ZNF443: variants seen among roughly 807,000 people sequenced by gnomAD.
ZNF443 encodes zinc finger protein 443.
In ZNF443, 3 loss-of-function variants were observed where a neutral mutation model predicts 12.0. The ratio of observed to expected loss-of-function variants is 0.25; its 90% CI spans 0.11 to 0.64. ZNF443 has a LOEUF of 0.64. Among genes scored for constraint, ZNF443 ranks in the 30% least tolerant of loss-of-function variants. ZNF443 has a pLI of 0.84. For missense variants in ZNF443, 770 were observed against 808.8 expected (o/e 0.95, Z 0.58); for synonymous variants, 225 against 265.9 (o/e 0.85, Z 1.50).
Position 12,431,229 on chromosome 19 carries a change from C to G in ZNF443, c.943G>C (p.Gly315Arg), listed in dbSNP as rs1332748723. Residue 315 changes from glycine (G) to arginine (R), a missense_variant, in exon 4 of 4, where the codon GGG (glycine) becomes CGG (arginine). Around this residue, in one of 3 missense-constraint regions of ZNF443, gnomAD observed 736 missense variants for 689.4 expected, o/e 1.07. Coordinates refer to ENST00000301547, the MANE Select transcript of ZNF443 (RefSeq NM_005815.5). ...GEKPYTCKQC[G>R]KAFSVSGSLQ... is the part of the protein sequence containing the mutation. The stretch of plus-strand genomic sequence containing the variant: ...GAACCGGAAACACTGAAGGCTTTCC[C>G]ACATTGTTTACATGTATAGGGTTTC... 1.9e-6 allele frequency: 3 copies of G among 1,613,858 alleles called. No individual in the cohort carries two copies. Among genetic ancestry groups the G allele is most frequent in the Non-Finnish European group, 2.5e-6 (3 of 1,179,948 alleles).
At chr19:12,439,401 G>T (rs1970343550) in intron 1 of ZNF443, among the ~76,000 whole-genome samples, 1 of 152,182 alleles carries the variant, frequency 6.6e-6, no homozygotes, top group East Asian at 1.9e-4. Context: ...TCCCCAGGGG[G>T]CCACACCTTC....
At chr19:12,432,807 C>A (rs1252375210) in intron 2 of ZNF443, among the ~76,000 whole-genome samples, 2 of 148,426 alleles carry the variant, frequency 1.3e-5, no homozygotes, top group Non-Finnish European at 3.0e-5. Flanking sequence ...TGAGAATATA[C>A]GATGTAATAA....
chr19:12,435,952 T>C (rs1568238650), intron 1 of ZNF443, among the ~76,000 whole-genome samples: 1 of 151,984 alleles, frequency 6.6e-6, no homozygotes, highest in Non-Finnish European at 1.5e-5. Flanking sequence ...AACATTCCGA[T>C]ATCTACTTTT....
rs1346531751 is a variant in ZNF443, at chr19:12,440,314, G to A, written c.3+598C>T. ...CCGCCGGCTTCCCCATTGTGCCTGG[G>A]GATAAGATCTCCGAGTGCTGCTCAA... On this transcript the variant is annotated intron_variant, in intron 1 of 3. Coordinates refer to ENST00000301547, the MANE Select transcript of ZNF443 (RefSeq NM_005815.5). 2.0e-5 allele frequency among the ~76,000 whole-genome samples: 3 copies of A among 152,018 alleles called. No homozygotes were observed. In the East Asian group the frequency reaches 5.8e-4, roughly 29 times the overall value.
rs370383293 is a variant in ZNF443 at position 12,430,223 on chromosome 19, T to C, written c.1949A>G (p.Glu650Gly). The C allele has an allele frequency of 2.3e-4, 376 of 1,613,788 alleles. 2 individuals are homozygous for C. In the African/African-American group the frequency reaches 3.0e-3, roughly 13 times the overall value. ...AAATGCTTTCCCACATTCCTTACATTCATATGGGTTCTCTCCAGTGTGAGT... is the reference window on the plus strand; with the variant it reads ...AAATGCTTTCCCACATTCCTTACATCCATATGGGTTCTCTCCAGTGTGAGT... Reference protein sequence around the residue: ...KKTHTGENPYECKECGKAFAS... With the variant: ...KKTHTGENPYGCKECGKAFAS... Residue 650 changes from glutamate (E) to glycine (G), a missense_variant, in exon 4 of 4, where the codon GAA (glutamate) becomes GGA (glycine). By Grantham distance (98) the Glu-to-Gly change is moderately conservative (BLOSUM62 -2). This residue lies in a region of ZNF443 where 30 missense variants were observed against 60.4 expected (regional missense o/e 0.50). Coordinates refer to ENST00000301547, the MANE Select transcript of ZNF443 (RefSeq NM_005815.5).
rs148458970 is a variant in ZNF443 at position 12,431,367 on chromosome 19, G to A, written c.805C>T (p.Leu269=). 78 of 1,614,056 alleles carry A rather than the reference G, an allele frequency of 4.8e-5. No individual in the cohort carries two copies. The Admixed American group carries it at 9.5e-4, about 20-fold the overall frequency. Residue 269 remains leucine, a synonymous_variant, in exon 4 of 4, where the codon CTA becomes TTA. Transcript: ENST00000301547. Reference sequence around the variant, plus strand: ...CCAGTATGTGTTCTTTCATGTCTTAGATAGGAACTGTAAAAAGGAAAGGCT... The same window carrying A: ...CCAGTATGTGTTCTTTCATGTCTTAAATAGGAACTGTAAAAAGGAAAGGCT... ...SKAFPFYSSY[L]RHERTHTGEK... is the part of the protein sequence containing the mutation.
In ZNF443 at chr19:12,430,182, A is replaced by T; in HGVS notation, c.1990T>A (p.Leu664Met). 1.2e-6 allele frequency: 2 copies of T among 1,613,784 alleles called. No homozygotes were observed. Among genetic ancestry groups the T allele is most frequent in the Non-Finnish European group, 8.5e-7 (1 of 1,179,808 alleles). Residue 664 changes from leucine to methionine, a missense_variant, in exon 4 of 4, where the codon TTG (leucine) becomes ATG (methionine). Physicochemically the swap from Leu to Met is conservative, Grantham distance 15. Around this residue, in one of 3 missense-constraint regions of ZNF443, gnomAD observed 30 missense variants for 60.4 expected, o/e 0.50. Transcript: ENST00000301547. ...TAGTGAGTCTTTTTATGTCTATGCA[A>T]GGAACTGAGAGAAGCAAATGCTTTC... ...CGKAFASLSS[L>M]HRHKKTH
rs370751882 is a variant in ZNF443, at chr19:12,430,510, G to C, written c.1662C>G (p.His554Gln). 1 of 1,614,156 alleles carries C rather than the reference G, an allele frequency of 6.2e-7. No individual in the cohort carries two copies. Among genetic ancestry groups the C allele is most frequent in the South Asian group, 1.1e-5 (1 of 91,078 alleles). Residue 554 changes from histidine (H) to glutamine (Q), a missense_variant, in exon 4 of 4, where the codon CAC becomes CAG. Physicochemically the swap from His to Gln is conservative, Grantham distance 24 (BLOSUM62 0). This residue lies in a region of ZNF443 where 736 missense variants were observed against 689.4 expected (regional missense o/e 1.07). Transcript: ENST00000301547. ...YDNLKVHERI[H>Q]SGEKPYECKE... ...TACATTCATACGGCTTCTCTCCAGAGTGAATTCTTTCATGTACCTTTAAGT... is the reference window on the plus strand; with the variant it reads ...TACATTCATACGGCTTCTCTCCAGACTGAATTCTTTCATGTACCTTTAAGT...
chr19:12,434,260 T>A (rs1314669857), intron 1 of ZNF443, among the ~76,000 whole-genome samples: 1 of 152,216 alleles, frequency 6.6e-6, no homozygotes, highest in Non-Finnish European at 1.5e-5. Context: ...TTTCACATGT[T>A]TTGTTGCAAC....
In ZNF443 at chr19:12,435,574, G is replaced by A. The variant is rs2910984; in HGVS notation, c.4-2377C>T. Reference sequence around the variant, plus strand: ...ACACCGGAGAAAAACATTCATTTTCGCTTCTGGCTGATCTGTAGCTTTAAG... The same window carrying A: ...ACACCGGAGAAAAACATTCATTTTCACTTCTGGCTGATCTGTAGCTTTAAG... On this transcript the variant is annotated intron_variant, in intron 1 of 3. Transcript: ENST00000301547. Among the ~76,000 whole-genome samples, 10 of 152,136 alleles carry A rather than the reference G, an allele frequency of 6.6e-5. No homozygotes were observed. In the East Asian group the frequency reaches 9.7e-4, roughly 15 times the overall value.
intron 1 of ZNF443, among the ~76,000 whole-genome samples, chr19:12,437,282 C>A (rs1357007041): frequency 1.3e-5 from 2 of 151,672 alleles, no homozygotes; most frequent in Non-Finnish European, 2.9e-5. Flanking sequence ...GTGGCCTGCA[C>A]CTGTAGTCCC....
chr19:12,431,247 A>G lies in ZNF443; in HGVS notation c.925T>C (p.Tyr309His), dbSNP rs1170907903. The stretch of plus-strand genomic sequence containing the variant: ...GCTTTCCCACATTGTTTACATGTAT[A>G]GGGTTTCTCTCCAGTGTGAGTTCTT... ...HERTHTGEKP[Y>H]TCKQCGKAFS... is the part of the protein sequence containing the mutation. The change falls in exon 4 of 4, where the codon TAT (tyrosine) becomes CAT (histidine). Residue 309 changes from tyrosine (Y) to histidine (H), a missense_variant. Tyr to His is a moderately conservative substitution (Grantham distance 83, BLOSUM62 2). Coordinates refer to ENST00000301547, the MANE Select transcript of ZNF443 (RefSeq NM_005815.5). 1.2e-6 allele frequency: 2 copies of G among 1,613,960 alleles called. No homozygotes were observed. The highest frequency in any genetic ancestry group is 1.3e-5 in the African/African-American group (1 of 74,926).
chr19:12,432,142 C>T (rs1436156090), intron 3 of ZNF443, 162 bp from the exon 4 acceptor site: 14 of 755,302 alleles, frequency 1.9e-5, no homozygotes, highest in Non-Finnish European at 2.6e-5. Flanking sequence ...TAACTCGACC[C>T]AGGTGTTCTC....
At chr19:12,440,165 C>T (rs1166448605) in intron 1 of ZNF443, among the ~76,000 whole-genome samples, 1 of 151,394 alleles carries the variant, frequency 6.6e-6, no homozygotes, top group East Asian at 1.9e-4. Context: ...AGCCTCCTCA[C>T]CGGGTTCACA....
Position 12,430,805 on chromosome 19 carries a change from T to A in ZNF443, c.1367A>T (p.Lys456Ile). ...AAGGGAACTGGAAATACGGTAGGCT[T>A]TGCCACATTGTTTACATTTATAGGG... Reference protein sequence around the residue: ...EKPYKCKQCGKAYRISSSLRR... With the variant: ...EKPYKCKQCGIAYRISSSLRR... The change falls in exon 4 of 4, where the codon AAA (lysine) becomes ATA (isoleucine). Residue 456 changes from lysine to isoleucine, a missense_variant. Physicochemically the swap from Lys to Ile is moderately radical, Grantham distance 102 (BLOSUM62 -3). Coordinates refer to ENST00000301547, the MANE Select transcript of ZNF443 (RefSeq NM_005815.5). 6.2e-7 allele frequency: 1 copy of A among 1,614,166 alleles called. No individual in the cohort carries two copies. Among genetic ancestry groups the A allele is most frequent in the Non-Finnish European group, 8.5e-7 (1 of 1,179,996 alleles).
In ZNF443 at chr19:12,432,336, C is replaced by T. The variant is rs73921485; in HGVS notation, c.191+41G>A. The T allele has an allele frequency of 2.1e-3, 3,086 of 1,477,116 alleles. 45 individuals are homozygous for T. In the African/African-American group the frequency reaches 0.038, roughly 18 times the overall value. 91.5% of individuals were successfully genotyped at this position (1,477,116 alleles called of 1,614,324 possible). A position where few individuals can be genotyped will look rare whatever the true frequency, so the allele number is the denominator to read the frequency against. ...TTAAATTTTCATGTCATTCTCAGAA[C>T]GGCTCCAGGGACATATCTTTCTCTT... On this transcript the variant is annotated intron_variant, in intron 3 of 3. Coordinates refer to ENST00000301547, the MANE Select transcript of ZNF443 (RefSeq NM_005815.5).
chr19:12,434,716 C>CAT (rs201348322), intron 1 of ZNF443, among the ~76,000 whole-genome samples: 1,839 of 151,280 alleles, frequency 0.012, 24 homozygotes, highest in African/African-American at 0.04. Context: ...TATACATATA[C>CAT]ATATATATAT....
At position 12,431,356 on chromosome 19, in the gene ZNF443, T is replaced by C; in HGVS notation, c.816A>G (p.Glu272=). The change falls in exon 4 of 4, where the codon GAA becomes GAG. Residue 272 remains glutamate (E), a synonymous_variant. Transcript: ENST00000301547. ...FPFYSSYLRH[E]RTHTGEKPYK... is the part of the protein sequence containing the mutation. ...ATGGTTTCTCCCCAGTATGTGTTCT[T>C]TCATGTCTTAGATAGGAACTGTAAA... 1 of 1,614,084 alleles carries C rather than the reference T, an allele frequency of 6.2e-7. No individual in the cohort carries two copies. The highest frequency in any genetic ancestry group is 1.1e-5 in the South Asian group (1 of 91,074).
chr19:12,433,741 T>TA (rs1195452547), intron 1 of ZNF443, among the ~76,000 whole-genome samples: 1 of 151,766 alleles, frequency 6.6e-6, no homozygotes, highest in African/African-American at 2.4e-5. Context: ...GGAATTTTGT[T>TA]ACATACTCAG....
Sources: allele counts gnomAD v4.1 joint callset (sites outside exome capture counted in the v4.1 genomes callset), GRCh38; gene constraint gnomAD v4.1.1; regional missense constraint gnomAD v4.1.1; transcripts MANE v1.5; gene names NCBI Gene and HGNC (gene_info 2026-07-23, HGNC 2026-07-21).